PRDM7: variants seen among roughly 807,000 people sequenced by gnomAD.
PRDM7 encodes histone-lysine N-methyltransferase PRDM7.
Under a neutral mutation model 64.3 loss-of-function variants are expected in PRDM7, and 52 were observed. The ratio of observed to expected loss-of-function variants is 0.81; its 90% confidence interval spans 0.65 to 1.02. The LOEUF (loss-of-function observed/expected upper bound fraction) is 1.02, where lower values mean the gene tolerates loss of function less well. Ranked by LOEUF, PRDM7 falls within the 50% of genes least tolerant of loss-of-function variation. PRDM7 has a pLI of 0.00. For synonymous variants in PRDM7, 192 were observed against 210.1 expected, an observed-to-expected ratio of 0.91 and a Z score of 0.74; for missense variants, 574 against 597.1, an observed-to-expected ratio of 0.96 and a Z score of 0.40.
intron 10 of PRDM7, among the ~76,000 whole-genome samples, chr16:90,059,992 G>T (rs11647734): frequency 6.6e-6 from 1 of 152,090 alleles, no homozygotes; most frequent in Admixed American, 6.5e-5. Context: ...CAACATATGC[G>T]TATCATTAAG....
At chr16:90,069,246 C>G (rs1270697857) in intron 4 of PRDM7, among the ~76,000 whole-genome samples, 1 of 151,160 alleles carries the variant, frequency 6.6e-6, no homozygotes, top group Non-Finnish European at 1.5e-5. Context: ...GATGCCAAGA[C>G]TACACAATGG....
At position 90,057,996 on chromosome 16, in the gene PRDM7, T is replaced by A; in HGVS notation, c.*293A>T. 6.2e-7 allele frequency: 1 copy of A among 1,607,210 alleles called. No individual in the cohort carries two copies. Among genetic ancestry groups the A allele is most frequent in the Non-Finnish European group, 8.5e-7 (1 of 1,175,428 alleles). ...TGACTGAGGAGGTCTGACTTCCGGC[T>A]AAAGCCCTCCCACACTCTCTGCAGA... On this transcript the variant is annotated 3_prime_UTR_variant, in exon 11 of 11. Coordinates refer to ENST00000449207, the MANE Select transcript of PRDM7 (RefSeq NM_001098173.2).
chr16:90,072,591 G>C (rs1022400762), intron 4 of PRDM7, among the ~76,000 whole-genome samples: 5 of 152,184 alleles, frequency 3.3e-5, no homozygotes, highest in South Asian at 2.1e-4. Context: ...GGAAGAAATG[G>C]AGTGTTATTG....
chr16:90,072,819 A>G (rs1894983828), intron 4 of PRDM7, among the ~76,000 whole-genome samples: 2 of 152,250 alleles, frequency 1.3e-5, no homozygotes, highest in Non-Finnish European at 2.9e-5. Flanking sequence ...CACGGGAGAT[A>G]GATTCCCTCT....
intron 5 of PRDM7, among the ~76,000 whole-genome samples, chr16:90,064,615 G>C (rs2151308236): frequency 7.0e-6 from 1 of 143,358 alleles, no homozygotes; most frequent in South Asian, 2.1e-4. Context: ...GGTTTCGCTA[G>C]TTTGGCCAGG....
rs749762078 is a variant in PRDM7, at chr16:90,058,402, T to G, written c.1366A>C (p.Asn456His). Residue 456 changes from asparagine to histidine, a missense_variant, in exon 11 of 11, where the codon AAC becomes CAC. By Grantham distance (68) the Asn-to-His change is moderately conservative. Transcript: ENST00000449207. ...ATCCCCTGGGCAGGGATTCTCTGGT[T>G]GGAGAAGTTTTCTTGCAGATGGTCC... is the stretch of plus-strand genomic sequence containing the variant. ...SQDHLQENFS[N>H]QRIPAQGIRI... The G allele has an allele frequency of 6.8e-6, 11 of 1,614,064 alleles. No homozygotes were observed. Among genetic ancestry groups the G allele is most frequent in the Middle Eastern group, 1.6e-4 (1 of 6,084 alleles).
At chr16:90,061,144 C>G (rs1307516734) in intron 9 of PRDM7, among the ~76,000 whole-genome samples, 1 of 152,196 alleles carries the variant, frequency 6.6e-6, no homozygotes, top group Non-Finnish European at 1.5e-5. Context: ...ACTTCCTAAC[C>G]TGGAACATAC....
intron 4 of PRDM7, among the ~76,000 whole-genome samples, chr16:90,071,540 C>T (rs2037955766): frequency 6.6e-6 from 1 of 152,164 alleles, no homozygotes; most frequent in Non-Finnish European, 1.5e-5. Flanking sequence ...TGCATCATGA[C>T]ATGGTAGAAG....
intron 10 of PRDM7, among the ~76,000 whole-genome samples, chr16:90,059,816 C>T (rs1267077705): frequency 2.0e-5 from 3 of 152,250 alleles, no homozygotes; most frequent in Non-Finnish European, 2.9e-5. Context: ...TGATATTACA[C>T]ATATGTCTGT....
At chr16:90,074,457 G>A (rs1405673730) in intron 4 of PRDM7, among the ~76,000 whole-genome samples, 3 of 151,382 alleles carry the variant, frequency 2.0e-5, no homozygotes, top group Non-Finnish European at 4.4e-5. Flanking sequence ...CACATCTGCA[G>A]TCCCAGCTAC....
At chr16:90,071,514 G>T (rs1340811738) in intron 4 of PRDM7, among the ~76,000 whole-genome samples, 1 of 152,154 alleles carries the variant, frequency 6.6e-6, no homozygotes, top group African/African-American at 2.4e-5. Flanking sequence ...CTGGCATCTT[G>T]CAAGGGTCTT....
rs904950188 is a variant in PRDM7, at chr16:90,068,453, G to T, written c.302-1543C>A. Among the ~76,000 whole-genome samples the T allele has an allele frequency of 4.7e-5, 7 of 150,238 alleles. 1 individual carries two copies. The highest frequency in any genetic ancestry group is 1.8e-4 in the African/African-American group (7 of 39,988). On this transcript the variant is annotated intron_variant, in intron 4 of 10. Coordinates refer to ENST00000449207, the MANE Select transcript of PRDM7 (RefSeq NM_001098173.2). ...GATCGAGACCATCCTGGCTAACGTG[G>T]TGAAACCCCATCTCTACTAAAAATA...
In PRDM7 at chr16:90,062,107, C is replaced by G. The variant is rs1421935554; in HGVS notation, c.696G>C (p.Lys232Asn). The G allele has an allele frequency of 1.2e-5, 20 of 1,614,250 alleles. No homozygotes were observed. Among genetic ancestry groups the G allele is most frequent in the Non-Finnish European group, 1.6e-5 (19 of 1,180,038 alleles). The stretch of plus-strand genomic sequence containing the variant: ...TGAGGGCTGAACGGTTGGGATGCCC[C>G]TTGTCCACTGCACTGTCCTTTACAA... The part of the protein sequence containing the change: ...PTFVKDSAVD[K>N]GHPNRSALSL... Residue 232 changes from lysine to asparagine, a missense_variant, in exon 8 of 11, where the codon AAG becomes AAC. Transcript: ENST00000449207.
chr16:90,074,178 T>TA (rs926168670), intron 4 of PRDM7, among the ~76,000 whole-genome samples: 20 of 151,708 alleles, frequency 1.3e-4, no homozygotes, highest in African/African-American at 4.1e-4. Flanking sequence ...GAGGAACACT[T>TA]GAGCCCAGGA....
At chr16:90,066,092 A>G (rs1448732077) in intron 5 of PRDM7, among the ~76,000 whole-genome samples, 4 of 151,370 alleles carry the variant, frequency 2.6e-5, no homozygotes, top group Non-Finnish European at 2.9e-5. Flanking sequence ...AGCATTTGAA[A>G]TTGGTTCCAG....
chr16:90,070,876 A>C (rs1211753082), intron 4 of PRDM7, among the ~76,000 whole-genome samples: 45 of 152,244 alleles, frequency 3.0e-4, no homozygotes, highest in Admixed American at 2.9e-3. Context: ...GCTTGAATAG[A>C]CATTTCTCAA....
At chr16:90,074,283 G>GTCGTCA (rs113668745) in intron 4 of PRDM7, among the ~76,000 whole-genome samples, 41 of 147,974 alleles carry the variant, frequency 2.8e-4, no homozygotes, top group East Asian at 2.1e-3. Context: ...AATCATCATC[G>GTCGTCA]TCATCATCAT....
At chr16:90,060,275 T>G (rs1463701827) in intron 10 of PRDM7, 66 bp downstream of exon 10, 4 of 1,612,208 alleles carry the variant, frequency 2.5e-6, no homozygotes, top group Non-Finnish European at 2.5e-6. Flanking sequence ...AAGAGTTCAA[T>G]CATGAAAATT....
At position 90,057,811 on chromosome 16, in the gene PRDM7, T is replaced by C. The variant is rs1462829425; in HGVS notation, c.*478A>G. ...GATCACGTTTGTCTTCTTGTGGCTA[T>C]TGAGATAAGGTTTTATTACTAATGA... On this transcript the variant is annotated 3_prime_UTR_variant, in exon 11 of 11. Transcript: ENST00000449207. 7.1e-7 allele frequency: 1 copy of C among 1,413,916 alleles called. No individual in the cohort carries two copies. Among genetic ancestry groups the C allele is most frequent in the African/African-American group, 1.4e-5 (1 of 69,924 alleles). The allele number at this position is 1,413,916 out of a possible 1,614,324, so 87.6% of individuals were successfully genotyped here.
Sources: gnomAD v4.1 joint callset for allele counts (sites outside exome capture counted in the v4.1 genomes callset) on GRCh38, gnomAD v4.1.1 for gene constraint, MANE v1.5 for transcripts, NCBI Gene and HGNC (gene_info 2026-07-23, HGNC 2026-07-21) for gene names.